The following B3GNT2 variants were observed in gnomAD, a reference collection of about 807,000 sequenced individuals.
The protein encoded by B3GNT2 is UDP-GlcNAc:betaGal beta-1,3-N-acetylglucosaminyltransferase 2.
In B3GNT2, 12 loss-of-function variants were observed where a neutral mutation model predicts 27.6. The ratio of observed to expected loss-of-function variants is 0.44; its 90% confidence interval spans 0.28 to 0.71. The LOEUF is 0.71. B3GNT2 is among the 30% of genes least tolerant of loss of function. The pLI is 0.17. For missense variants in B3GNT2, 413 were observed against 488.5 expected, an observed-to-expected ratio of 0.85 and a Z score of 1.46; for synonymous variants, 192 against 189.7, an observed-to-expected ratio of 1.01 and a Z score of -0.10.
In B3GNT2 at chr2:62,223,150, C is replaced by T. The variant is rs139485156; in HGVS notation, c.930C>T (p.Leu310=). 7.6e-5 allele frequency: 122 copies of T among 1,614,228 alleles called. No individual in the cohort carries two copies. The African/African-American group carries it at 1.5e-3, about 19-fold the overall frequency. The part of the protein sequence containing the change: ...YPPYAGGGGF[L]YSGHLALRLY... ...CCTATGCAGGGGGAGGGGGGTTCCT[C>T]TACTCCGGCCACCTGGCCCTGAGGC... The change falls in exon 2 of 2, where the codon CTC becomes CTT. Residue 310 remains leucine (L), a synonymous_variant. Coordinates refer to ENST00000301998, the MANE Select transcript of B3GNT2 (RefSeq NM_006577.6).
At chr2:62,198,018 T>A (rs1376049478) in intron 1 of B3GNT2, among the ~76,000 whole-genome samples, 1 of 152,234 alleles carries the variant, frequency 6.6e-6, no homozygotes, top group Non-Finnish European at 1.5e-5. Context: ...CTTGAGTAAT[T>A]TGAGTAATCC....
intron 1 of B3GNT2, among the ~76,000 whole-genome samples, chr2:62,205,255 A>G (rs544141957): frequency 1.8e-4 from 27 of 152,330 alleles, no homozygotes; most frequent in Admixed American, 1.4e-3. Flanking sequence ...TTGAGCAAAC[A>G]TGTTCTCTTT....
chr2:62,222,232 A>C lies in B3GNT2; in HGVS notation c.12A>C (p.Gly4=). Residue 4 remains glycine, a synonymous_variant, in exon 2 of 2, where the codon GGA becomes GGC. Coordinates refer to ENST00000301998, the MANE Select transcript of B3GNT2 (RefSeq NM_006577.6). The surrounding 1 kb of genome is among the most constrained non-coding windows in gnomAD (Gnocchi z 4.2). Reference sequence around the variant, plus strand: ...TCCAGATATGAGAAATGAGTGTTGGACGTCGAAGAATAAAGTTGTTGGGTA... The same window carrying C: ...TCCAGATATGAGAAATGAGTGTTGGCCGTCGAAGAATAAAGTTGTTGGGTA... MSV[G]RRRIKLLGIL... 6.2e-7 allele frequency: 1 copy of C among 1,602,352 alleles called. No individual in the cohort carries two copies. Among genetic ancestry groups the C allele is most frequent in the Non-Finnish European group, 8.5e-7 (1 of 1,174,970 alleles).
chr2:62,199,972 T>A lies in B3GNT2; in HGVS notation c.-10+3617T>A, dbSNP rs185916227. Among the ~76,000 whole-genome samples the A allele has an allele frequency of 6.6e-5, 10 of 152,272 alleles. No individual in the cohort carries two copies. The East Asian group carries it at 1.9e-3, about 29-fold the overall frequency. On this transcript the variant is annotated intron_variant, in intron 1 of 1. Coordinates refer to ENST00000301998, the MANE Select transcript of B3GNT2 (RefSeq NM_006577.6). Reference sequence around the variant, plus strand: ...AAGGAGACTTTGCCAGGCTGGAACCTGTTACTTGATGGAGAATTTATTATT... The same window carrying A: ...AAGGAGACTTTGCCAGGCTGGAACCAGTTACTTGATGGAGAATTTATTATT...
At chr2:62,219,890 A>T (rs1348128456) in intron 1 of B3GNT2, among the ~76,000 whole-genome samples, 1 of 151,954 alleles carries the variant, frequency 6.6e-6, no homozygotes, top group Non-Finnish European at 1.5e-5. Context: ...CCATGTGCTG[A>T]GTCTGCAGGG....
chr2:62,199,169 G>C (rs1032196291), intron 1 of B3GNT2, among the ~76,000 whole-genome samples: 1 of 152,136 alleles, frequency 6.6e-6, no homozygotes, highest in Non-Finnish European at 1.5e-5. Context: ...TCGAACTCCT[G>C]ACCTGGTGAT....
At chr2:62,209,876 T>A (rs1674447737) in intron 1 of B3GNT2, among the ~76,000 whole-genome samples, 1 of 152,214 alleles carries the variant, frequency 6.6e-6, no homozygotes, top group African/African-American at 2.4e-5. Context: ...GAGGCTAGTT[T>A]AAGCCCCAGC....
At chr2:62,215,829 A>C (rs80093850) in intron 1 of B3GNT2, among the ~76,000 whole-genome samples, 3,492 of 152,304 alleles carry the variant, frequency 0.023, 95 homozygotes, top group African/African-American at 0.066. Flanking sequence ...GGGTTTAGTC[A>C]GAAGCTTGGA....
In B3GNT2 at chr2:62,210,496, C is replaced by T. The variant is rs560996209; in HGVS notation, c.-9-11716C>T. Among the ~76,000 whole-genome samples, 5 of 152,190 alleles carry T rather than the reference C, an allele frequency of 3.3e-5. 1 individual carries two copies. Among genetic ancestry groups the T allele is most frequent in the African/African-American group, 1.2e-4 (5 of 41,512 alleles). Reference sequence around the variant, plus strand: ...TAAAAAGGAGGACAGTGGCCGGGTGCGGTGGCTCAGACCTGTAATCCCAGC... The same window carrying T: ...TAAAAAGGAGGACAGTGGCCGGGTGTGGTGGCTCAGACCTGTAATCCCAGC... On this transcript the variant is annotated intron_variant, in intron 1 of 1. Coordinates refer to ENST00000301998, the MANE Select transcript of B3GNT2 (RefSeq NM_006577.6).
intron 1 of B3GNT2, among the ~76,000 whole-genome samples, chr2:62,219,573 C>T (rs1449255275): frequency 2.6e-5 from 4 of 152,128 alleles, no homozygotes; most frequent in African/African-American, 9.7e-5. Flanking sequence ...AGTCACTCTG[C>T]CTGGCCCCTT....
intron 1 of B3GNT2, among the ~76,000 whole-genome samples, chr2:62,219,022 C>T (rs1451111380): frequency 3.9e-5 from 6 of 152,160 alleles, no homozygotes; most frequent in Non-Finnish European, 8.8e-5. Context: ...TGGTGTTTTC[C>T]GTGATAGAGG....
At chr2:62,211,936 A>G (rs1674489010) in intron 1 of B3GNT2, among the ~76,000 whole-genome samples, 1 of 152,354 alleles carries the variant, frequency 6.6e-6, no homozygotes, top group African/African-American at 2.4e-5. Flanking sequence ...TTCAGTGTAT[A>G]GGACCCATGT....
intron 1 of B3GNT2, among the ~76,000 whole-genome samples, chr2:62,198,267 C>A (rs1440227261): frequency 6.6e-6 from 1 of 152,180 alleles, no homozygotes; most frequent in African/African-American, 2.4e-5. Context: ...TGATCTTGGG[C>A]AAGTTATTCT....
At position 62,222,849 on chromosome 2, in the gene B3GNT2, T is replaced by C. The variant is rs774044614; in HGVS notation, c.629T>C (p.Met210Thr). Reference sequence around the variant, plus strand: ...AGTGAGAAGCACCAAGACATTCTTATGTGGAACTACAGAGACACTTTCTTC... The same window carrying C: ...AGTGAGAAGCACCAAGACATTCTTACGTGGAACTACAGAGACACTTTCTTC... ...FESEKHQDIL[M>T]WNYRDTFFNL... The change falls in exon 2 of 2, where the codon ATG becomes ACG. Residue 210 changes from methionine (M) to threonine (T), a missense_variant. Physicochemically the swap from Met to Thr is moderately conservative, Grantham distance 81. Coordinates refer to ENST00000301998, the MANE Select transcript of B3GNT2 (RefSeq NM_006577.6). This position sits in a 1 kb window ranked among gnomAD's most constrained non-coding sequence, Gnocchi z 4.2. 1 of 1,614,184 alleles carries C rather than the reference T, an allele frequency of 6.2e-7. No individual in the cohort carries two copies. Among genetic ancestry groups the C allele is most frequent in the Non-Finnish European group, 8.5e-7 (1 of 1,180,038 alleles).
chr2:62,200,515 G>A (rs1674247380), intron 1 of B3GNT2, among the ~76,000 whole-genome samples: 2 of 152,160 alleles, frequency 1.3e-5, no homozygotes, highest in African/African-American at 4.8e-5. Context: ...GTGCCATGTG[G>A]TGGTTTAGTG....
rs945776505 is a variant in B3GNT2 at position 62,202,220 on chromosome 2, C to A, written c.-10+5865C>A. Among the ~76,000 whole-genome samples, 140 of 152,190 alleles carry A rather than the reference C, an allele frequency of 9.2e-4. 3 individuals are homozygous for A. The highest frequency in any genetic ancestry group is 9.0e-3 in the Admixed American group (138 of 15,280). On this transcript the variant is annotated intron_variant, in intron 1 of 1. Transcript: ENST00000301998. ...AGACAGCCAGGAACTGGTAAGATTG[C>A]CTTGGTAGAGGTGTAAGCCAATTAT...
At chr2:62,197,199 C>T (rs1003550890) in intron 1 of B3GNT2, among the ~76,000 whole-genome samples, 18 of 152,004 alleles carry the variant, frequency 1.2e-4, no homozygotes, top group Non-Finnish European at 2.6e-4. Flanking sequence ...GGGGCCCTGC[C>T]GGGGCTGCGG....
chr2:62,216,269 G>A (rs1370337157), intron 1 of B3GNT2, among the ~76,000 whole-genome samples: 1 of 152,126 alleles, frequency 6.6e-6, no homozygotes, highest in Non-Finnish European at 1.5e-5. Flanking sequence ...GAGTCCTAAG[G>A]AAAACAGCCT....
chr2:62,207,619 C>A (rs1408081572), intron 1 of B3GNT2, among the ~76,000 whole-genome samples: 5 of 152,068 alleles, frequency 3.3e-5, no homozygotes, highest in Non-Finnish European at 5.9e-5. Flanking sequence ...ACTGTCTCAC[C>A]CTAGATCATC....
Sources: allele counts gnomAD v4.1 joint callset (sites outside exome capture counted in the v4.1 genomes callset), GRCh38; gene constraint gnomAD v4.1.1; non-coding constraint Gnocchi (gnomAD v3.1); transcripts MANE v1.5; gene names NCBI Gene and HGNC (gene_info 2026-07-23, HGNC 2026-07-21).